Variants in SCMH1 observed in about 807,000 individuals in gnomAD.
The protein encoded by SCMH1 is Scm polycomb group protein homolog 1.
A neutral mutation model predicts 70.8 loss-of-function variants in SCMH1; 37 were observed. That is an observed-to-expected ratio of 0.52 (90% CI 0.40 to 0.69). The LOEUF is 0.69. SCMH1 is among the 30% of genes least tolerant of loss of function. The pLI is 0.00. For synonymous variants in SCMH1, 292 were observed against 307.4 expected, an observed-to-expected ratio of 0.95 and a Z score of 0.52; for missense variants, 607 against 827.3, an observed-to-expected ratio of 0.73 and a Z score of 3.27.
At chr1:41,139,609 G>A (rs561452042) in intron 6 of SCMH1, among the ~76,000 whole-genome samples, 2 of 152,240 alleles carry the variant, frequency 1.3e-5, no homozygotes, top group East Asian at 3.9e-4. Context: ...ACACACTACA[G>A]TGTAAGAATG....
chr1:41,081,672 T>C (rs1390252677), intron 8 of SCMH1, among the ~76,000 whole-genome samples: 1 of 152,034 alleles, frequency 6.6e-6, no homozygotes, highest in Non-Finnish European at 1.5e-5. Context: ...TTTAAAAAAT[T>C]AGCTGGGCAT....
chr1:41,035,532 C>T (rs945341123), intron 13 of SCMH1, among the ~76,000 whole-genome samples: 2 of 152,194 alleles, frequency 1.3e-5, no homozygotes, highest in African/African-American at 4.8e-5. Context: ...CTAACCCCTT[C>T]CCTGACCAGG....
intron 2 of SCMH1, among the ~76,000 whole-genome samples, chr1:41,177,583 G>A (rs999138765): frequency 5.3e-5 from 8 of 152,144 alleles, no homozygotes; most frequent in Admixed American, 3.3e-4. Flanking sequence ...TGAGAACTAC[G>A]TGACGAATGC....
chr1:41,223,175 C>A (rs1325541353), intron 1 of SCMH1, among the ~76,000 whole-genome samples: 1 of 152,124 alleles, frequency 6.6e-6, no homozygotes, highest in African/African-American at 2.4e-5. Context: ...TCCAGGATTA[C>A]CTGATTGTAT....
At chr1:41,148,218 C>A (rs213749) in intron 5 of SCMH1, among the ~76,000 whole-genome samples, 129,510 of 152,216 alleles carry the variant, frequency 0.85, 55,602 homozygotes, top group East Asian at 0.97. Flanking sequence ...CTCTTATCAT[C>A]CATTTTACTT....
chr1:41,082,075 A>G (rs964903980), intron 8 of SCMH1, among the ~76,000 whole-genome samples: 6 of 152,186 alleles, frequency 3.9e-5, no homozygotes, highest in Non-Finnish European at 8.8e-5. Context: ...CTAAAACATC[A>G]AATTTCTAGA....
At chr1:41,157,858 T>A (rs1420019210) in intron 4 of SCMH1, among the ~76,000 whole-genome samples, 1 of 152,222 alleles carries the variant, frequency 6.6e-6, no homozygotes, top group African/African-American at 2.4e-5. Flanking sequence ...ATCACCATAA[T>A]TATTTATGTA....
intron 8 of SCMH1, among the ~76,000 whole-genome samples, chr1:41,103,197 T>C (rs758070942): frequency 1.3e-5 from 2 of 152,032 alleles, no homozygotes; most frequent in Non-Finnish European, 2.9e-5. Flanking sequence ...AGTGGCATGA[T>C]CTCGGCTCAC....
intron 9 of SCMH1, among the ~76,000 whole-genome samples, chr1:41,074,091 T>A (rs956994556): frequency 2.7e-4 from 40 of 147,286 alleles, no homozygotes; most frequent in African/African-American, 7.4e-4. Context: ...TTTTTTTTTT[T>A]ATATCAATGC....
intron 2 of SCMH1, among the ~76,000 whole-genome samples, chr1:41,180,470 C>T (rs536038385): frequency 1.4e-4 from 22 of 151,840 alleles, no homozygotes; most frequent in African/African-American, 2.2e-4. Flanking sequence ...AAAACCCCAT[C>T]GTTAAGCTGA....
intron 5 of SCMH1, among the ~76,000 whole-genome samples, chr1:41,150,869 G>A (rs889115160): frequency 6.7e-6 from 1 of 149,668 alleles, no homozygotes; most frequent in African/African-American, 2.5e-5. Flanking sequence ...CCCAGGAGGC[G>A]GAGCTTGCAT....
At chr1:41,234,453 CTTTTTTTTTTTTTTTTT>C (rs66686109) in intron 1 of SCMH1, among the ~76,000 whole-genome samples, 38 of 49,358 alleles carry the variant, frequency 7.7e-4, no homozygotes, top group Non-Finnish European at 1.2e-3. Flanking sequence ...AACTCTGCCT[CTTTTTTTTTTTTTTTTT>C]TTTTTTTTTT....
intron 6 of SCMH1, among the ~76,000 whole-genome samples, chr1:41,124,713 TC>T (rs753545124): frequency 9.1e-4 from 139 of 152,034 alleles, no homozygotes; most frequent in Admixed American, 2.6e-3. Context: ...GCTCAGGTGA[TC>T]CCCCTGAGCA....
chr1:41,083,507 T>C (rs1483852844), intron 8 of SCMH1, among the ~76,000 whole-genome samples: 1 of 152,224 alleles, frequency 6.6e-6, no homozygotes, highest in African/African-American at 2.4e-5. Context: ...CATTCCATGC[T>C]CATGGGTAGG....
chr1:41,193,526 G>T (rs192590745), intron 1 of SCMH1, among the ~76,000 whole-genome samples: 235 of 146,226 alleles, frequency 1.6e-3, no homozygotes, highest in Non-Finnish European at 2.7e-3. Context: ...CCAGGGGTTG[G>T]GGGGGGGTTG....
intron 1 of SCMH1, among the ~76,000 whole-genome samples, chr1:41,220,614 G>C (rs1038456538): frequency 6.6e-6 from 1 of 152,224 alleles, no homozygotes; most frequent in African/African-American, 2.4e-5. Context: ...AATTTGTTTA[G>C]CTTTGTTAAC....
chr1:41,197,854 T>C (rs1388217896), intron 1 of SCMH1, among the ~76,000 whole-genome samples: 1 of 152,164 alleles, frequency 6.6e-6, no homozygotes, highest in Non-Finnish European at 1.5e-5. Context: ...TAGTCCTCTA[T>C]CAACTTTCTT....
intron 8 of SCMH1, among the ~76,000 whole-genome samples, chr1:41,107,003 T>A (rs1015262562): frequency 2.0e-5 from 3 of 151,592 alleles, no homozygotes; most frequent in African/African-American, 7.3e-5. Flanking sequence ...TATTTTTTAA[T>A]TCCTTGACCA....
chr1:41,138,938 G>A (rs1458054546), intron 6 of SCMH1, among the ~76,000 whole-genome samples: 1 of 152,050 alleles, frequency 6.6e-6, no homozygotes, highest in Non-Finnish European at 1.5e-5. Context: ...AAAAACAAAA[G>A]GTTCTATTGG....
Sources: gnomAD v4.1 joint callset for allele counts (sites outside exome capture counted in the v4.1 genomes callset) on GRCh38, gnomAD v4.1.1 for gene constraint, MANE v1.5 for transcripts, NCBI Gene and HGNC (gene_info 2026-07-23, HGNC 2026-07-21) for gene names.